KLF8: variants seen among roughly 807,000 people sequenced by gnomAD.
KLF8 encodes KLF transcription factor 8.
Under a neutral mutation model 18.2 loss-of-function variants are expected in KLF8, and 10 were observed. The observed-to-expected ratio is 0.55, with a 90% CI of 0.34 to 0.93. The LOEUF is 0.93. KLF8 is among the 40% of genes least tolerant of loss of function. The pLI, the probability that KLF8 is intolerant of heterozygous loss-of-function variation, is 0.02. For missense variants in KLF8, 264 were observed against 277.9 expected (o/e 0.95, Z 0.36); for synonymous variants, 109 against 97.3 (o/e 1.12, Z -0.71).
chrX:56,184,107 C>T, the KLF8 span, among the ~76,000 whole-genome samples: 2 of 112,440 alleles, frequency 1.8e-5, no homozygotes, highest in African/African-American at 6.5e-5. Flanking sequence ...TCAGGGAGTT[C>T]CCTTTCCTAG....
chrX:56,167,057 A>G, the KLF8 span, among the ~76,000 whole-genome samples: 2 of 112,107 alleles, frequency 1.8e-5, no homozygotes, highest in South Asian at 3.7e-4. Flanking sequence ...TCTCTCCCTC[A>G]TGATCTGAGA....
the KLF8 span, among the ~76,000 whole-genome samples, chrX:56,158,368 C>T: frequency 1.8e-5 from 2 of 111,676 alleles, no homozygotes; most frequent in South Asian, 3.7e-4. Flanking sequence ...CACTTGGCAA[C>T]GCGAGCTCTT....
At chrX:55,981,636 A>T in the KLF8 span, among the ~76,000 whole-genome samples, 184 of 112,211 alleles carry the variant, frequency 1.6e-3, 1 homozygote, top group Middle Eastern at 0.018. Flanking sequence ...TCTAGAAGTT[A>T]CTGCAGAGCA....
chrX:56,115,358 T>C, the KLF8 span, among the ~76,000 whole-genome samples: 2 of 111,852 alleles, frequency 1.8e-5, no homozygotes, highest in Non-Finnish European at 3.8e-5. Context: ...TTTCTGAGAC[T>C]CAAGTCCTGA....
At chrX:56,203,379 T>G in the KLF8 span, among the ~76,000 whole-genome samples, 1 of 112,518 alleles carries the variant, frequency 8.9e-6, no homozygotes, top group East Asian at 2.8e-4. Flanking sequence ...GTGGGTCGTT[T>G]CTTCACTTTG....
chrX:56,140,548 A>G, the KLF8 span, among the ~76,000 whole-genome samples: 10 of 111,137 alleles, frequency 9.0e-5, no homozygotes, highest in Non-Finnish European at 1.5e-4. Flanking sequence ...AGTGACAGCT[A>G]AACATTGGAG....
chrX:56,039,800 G>A, the KLF8 span, among the ~76,000 whole-genome samples: 4 of 111,309 alleles, frequency 3.6e-5, no homozygotes, highest in Non-Finnish European at 7.5e-5. Context: ...ATAACATTGA[G>A]TCTATAAATT....
the KLF8 span, among the ~76,000 whole-genome samples, chrX:55,921,423 T>A: frequency 8.9e-6 from 1 of 112,247 alleles, no homozygotes; most frequent in African/African-American, 3.2e-5. Flanking sequence ...ATGGGTACCA[T>A]GCTGTTTTGG....
the KLF8 span, among the ~76,000 whole-genome samples, chrX:56,175,425 T>C: frequency 3.6e-5 from 4 of 111,870 alleles, no homozygotes; most frequent in Middle Eastern, 4.6e-3. Context: ...GTTTCTTAGT[T>C]CTGAGTTCTA....
chrX:56,011,149 C>G, the KLF8 span, among the ~76,000 whole-genome samples: 1 of 112,136 alleles, frequency 8.9e-6, no homozygotes, highest in African/African-American at 3.2e-5. Context: ...ACTCTCTACC[C>G]AAAAACAACA....
At chrX:55,920,751 G>A in the KLF8 span, among the ~76,000 whole-genome samples, 1 of 111,495 alleles carries the variant, frequency 9.0e-6, no homozygotes, top group Non-Finnish European at 1.9e-5. Context: ...AATGAACAAA[G>A]CCTCCAAGAA....
chrX:56,151,645 T>C, the KLF8 span, among the ~76,000 whole-genome samples: 1 of 110,573 alleles, frequency 9.0e-6, no homozygotes, highest in Non-Finnish European at 1.9e-5. Flanking sequence ...GGTGGGGGTG[T>C]GGAGATCATG....
chrX:56,085,872 G>T, the KLF8 span, among the ~76,000 whole-genome samples: 3 of 112,069 alleles, frequency 2.7e-5, no homozygotes, highest in Non-Finnish European at 5.6e-5. Flanking sequence ...ATGGCAGCTT[G>T]AATATGTAGA....
intron 5 of KLF8, among the ~76,000 whole-genome samples, chrX:56,275,324 GT>G (rs1430668543): frequency 1.8e-5 from 2 of 111,453 alleles, no homozygotes; most frequent in Non-Finnish European, 3.8e-5. Context: ...ATGTAGAAAT[GT>G]TTTGGATTTT....
the KLF8 span, among the ~76,000 whole-genome samples, chrX:56,049,562 A>T: frequency 9.5e-6 from 1 of 105,658 alleles, no homozygotes; most frequent in Admixed American, 1.0e-4. Context: ...TATATGCTGG[A>T]TTACATTTAT....
chrX:56,179,605 T>C, the KLF8 span, among the ~76,000 whole-genome samples: 1 of 112,141 alleles, frequency 8.9e-6, no homozygotes, highest in Non-Finnish European at 1.9e-5. Context: ...TTTGCCCATT[T>C]AGTATTATAT....
At chrX:56,162,426 G>A in the KLF8 span, among the ~76,000 whole-genome samples, 1 of 112,082 alleles carries the variant, frequency 8.9e-6, no homozygotes, top group Non-Finnish European at 1.9e-5. Flanking sequence ...CCCAGTTCGA[G>A]TTTCCCAGCT....
chrX:56,150,676 C>A, the KLF8 span, among the ~76,000 whole-genome samples: 11 of 110,635 alleles, frequency 9.9e-5, no homozygotes, highest in African/African-American at 3.6e-4. Flanking sequence ...AACCTCCTGG[C>A]TGCCCTCCTA....
the KLF8 span, among the ~76,000 whole-genome samples, chrX:56,025,445 G>T: frequency 1.8e-5 from 2 of 111,570 alleles, no homozygotes; most frequent in Non-Finnish European, 3.8e-5. Flanking sequence ...AGCCAAACAA[G>T]ATCTTATTCA....
Sources: allele counts gnomAD v4.1 joint callset (sites outside exome capture counted in the v4.1 genomes callset), GRCh38; gene constraint gnomAD v4.1.1; transcripts MANE v1.5; gene names NCBI Gene and HGNC (gene_info 2026-07-23, HGNC 2026-07-21).